PCDHGA5: variants seen among roughly 807,000 people sequenced by gnomAD.
PCDHGA5 encodes protocadherin gamma-A5.
In PCDHGA5, 36 loss-of-function variants were observed where a neutral mutation model predicts 56.7. The observed-to-expected ratio is 0.64, with a 90% confidence interval of 0.49 to 0.84. The LOEUF (loss-of-function observed/expected upper bound fraction) is 0.84. Ranked by LOEUF, PCDHGA5 falls within the 40% of genes least tolerant of loss-of-function variation. The probability of loss-of-function intolerance (pLI) is 0.00; values close to 1 mark genes in which losing one functional copy is unlikely to be tolerated. For missense variants in PCDHGA5, 1,305 were observed against 1,201.5 expected (o/e 1.09, Z -1.27); for synonymous variants, 563 against 520.2 (o/e 1.08, Z -1.12).
At position 141,487,621 on chromosome 5, in the gene PCDHGA5, A is replaced by G; in HGVS notation, c.2422-7186A>G. The G allele has an allele frequency of 6.2e-7, 1 of 1,614,164 alleles. No individual in the cohort carries two copies. On this transcript the variant is annotated intron_variant, in intron 1 of 3. Transcript: ENST00000518069. This position sits in a 1 kb window ranked among gnomAD's most constrained non-coding sequence, Gnocchi z 5.0. ...ATCTTCTCTATGGGCTAGAGGTGAG[A>G]CCTTTGCAGGCTCAACAAATGCTTG... is the stretch of plus-strand genomic sequence containing the variant.
At chr5:141,370,663 T>C (rs1319897209) in intron 1 of PCDHGA5, 1 of 1,613,900 alleles carries the variant, frequency 6.2e-7, no homozygotes, top group East Asian at 2.2e-5. Flanking sequence ...AGCGACCGTA[T>C]AGACCGAGAG....
intron 1 of PCDHGA5, among the ~76,000 whole-genome samples, chr5:141,468,000 C>G (rs1429450909): frequency 6.6e-6 from 1 of 152,028 alleles, no homozygotes; most frequent in East Asian, 1.9e-4. Flanking sequence ...ATTCTTTCTT[C>G]CTCTGTTATA....
At position 141,434,771 on chromosome 5, in the gene PCDHGA5, TA is replaced by T. The variant is rs36031641; in HGVS notation, c.2422-60023del. On this transcript the variant is annotated intron_variant, in intron 1 of 3. Transcript: ENST00000518069. ...CCCCTGATTCCCCACTTCACACTTC[TA>T]AAAAAAAAAAAATTTTTTTTTCTGA... 2.5e-3 allele frequency among the ~76,000 whole-genome samples: 362 copies of T among 145,286 alleles called. 1 individual carries two copies. The highest frequency in any genetic ancestry group is 0.011 in the Middle Eastern group (3 of 280).
In PCDHGA5 at chr5:141,366,577, C is replaced by A. The variant is rs376647678; in HGVS notation, c.2247C>A (p.Phe749Leu). 1.2e-6 allele frequency: 2 copies of A among 1,614,118 alleles called. No individual in the cohort carries two copies. Among genetic ancestry groups the A allele is most frequent in the African/African-American group, 2.7e-5 (2 of 74,938 alleles). The part of the protein sequence containing the change: ...HFVGVDGVRA[F>L]LQTYSHEVSL... ...TGGGCGTGGATGGGGTTCGGGCTTT[C>A]CTGCAGACCTATTCCCACGAGGTCT... The change falls in exon 1 of 4, where the codon TTC becomes TTA. Residue 749 changes from phenylalanine (F) to leucine (L), a missense_variant. Phe to Leu is a conservative substitution (Grantham distance 22). Transcript: ENST00000518069.
At chr5:141,452,879 A>C (rs1389712789) in intron 1 of PCDHGA5, among the ~76,000 whole-genome samples, 1 of 152,200 alleles carries the variant, frequency 6.6e-6, no homozygotes, top group Admixed American at 6.5e-5. Context: ...CATTTGTAAT[A>C]ATTTATTCCA....
At chr5:141,401,255 T>C (rs56773894) in intron 1 of PCDHGA5, among the ~76,000 whole-genome samples, 18,026 of 152,078 alleles carry the variant, frequency 0.12, 1,226 homozygotes, top group African/African-American at 0.18. Flanking sequence ...GACAGGAGAA[T>C]TGCTTGAACC....
Position 141,364,582 on chromosome 5 carries a change from G to A in PCDHGA5, c.252G>A (p.Leu84=), listed in dbSNP as rs1379738059. ...LFALNPRSGS[L]VTAGRIDREE... is the part of the protein sequence containing the mutation. ...CCCTGAACCCGCGAAGCGGCAGCTT[G>A]GTCACCGCGGGCAGGATAGACCGGG... Residue 84 remains leucine, a synonymous_variant, in exon 1 of 4, where the codon TTG becomes TTA. Coordinates refer to ENST00000518069, the MANE Select transcript of PCDHGA5 (RefSeq NM_018918.3). 6.2e-7 allele frequency: 1 copy of A among 1,614,206 alleles called. No individual in the cohort carries two copies. Among genetic ancestry groups the A allele is most frequent in the Non-Finnish European group, 8.5e-7 (1 of 1,180,008 alleles).
chr5:141,423,777 T>A, intron 1 of PCDHGA5: 1 of 1,159,844 alleles, frequency 8.6e-7, no homozygotes, highest in Non-Finnish European at 1.1e-6. Flanking sequence ...GGCATATATT[T>A]AGTTCATATA....
chr5:141,418,864 A>T, intron 1 of PCDHGA5: 1 of 1,614,046 alleles, frequency 6.2e-7, no homozygotes, highest in Non-Finnish European at 8.5e-7. Context: ...AAGTAATTGT[A>T]GAAGTTGTAG....
At chr5:141,375,442 C>A (rs746357528) in intron 1 of PCDHGA5, 1 of 1,614,034 alleles carries the variant, frequency 6.2e-7, no homozygotes, top group Non-Finnish European at 8.5e-7. Flanking sequence ...CCACCTTCCC[C>A]CATTCATCCT....
intron 1 of PCDHGA5, among the ~76,000 whole-genome samples, chr5:141,382,039 G>T (rs2150197834): frequency 6.6e-6 from 1 of 151,922 alleles, no homozygotes; most frequent in Non-Finnish European, 1.5e-5. Flanking sequence ...ATGTTGGTCA[G>T]GCTGGTCTCA....
chr5:141,497,596 G>C (rs920597006), intron 2 of PCDHGA5, among the ~76,000 whole-genome samples: 1 of 149,648 alleles, frequency 6.7e-6, no homozygotes, highest in Admixed American at 6.7e-5. Context: ...CTGGAGTGCA[G>C]TGGTGCGATC....
In PCDHGA5 at chr5:141,448,771, T is replaced by C. The variant is rs564309379; in HGVS notation, c.2422-46036T>C. Among the ~76,000 whole-genome samples the C allele has an allele frequency of 6.6e-4, 100 of 151,738 alleles. 1 individual carries two copies. The highest frequency in any genetic ancestry group is 6.8e-3 in the Middle Eastern group (2 of 294). On this transcript the variant is annotated intron_variant, in intron 1 of 3. Coordinates refer to ENST00000518069, the MANE Select transcript of PCDHGA5 (RefSeq NM_018918.3). ...CTGGCTAACACGGTGAAACCCCGTCTGTACTAAAAATACAAAAAAAAAAAT... is the reference window on the plus strand; with the variant it reads ...CTGGCTAACACGGTGAAACCCCGTCCGTACTAAAAATACAAAAAAAAAAAT...
rs1389786201 is a variant in PCDHGA5, at chr5:141,486,949, G to A, written c.2422-7858G>A. 4 of 1,614,224 alleles carry A rather than the reference G, an allele frequency of 2.5e-6. No individual in the cohort carries two copies. Among genetic ancestry groups the A allele is most frequent in the African/African-American group, 2.7e-5 (2 of 75,064 alleles). ...TTGGTGCTGGCCACCTAATCACAAA[G>A]GTGACTGCTGTGGACTTGGATTCAG... On this transcript the variant is annotated intron_variant, in intron 1 of 3. Coordinates refer to ENST00000518069, the MANE Select transcript of PCDHGA5 (RefSeq NM_018918.3). The surrounding 1 kb of genome is among the most constrained non-coding windows in gnomAD (Gnocchi z 5.0).
Position 141,431,655 on chromosome 5 carries a change from G to A in PCDHGA5, c.2422-63152G>A, listed in dbSNP as rs199998405. On this transcript the variant is annotated intron_variant, in intron 1 of 3. Transcript: ENST00000518069. This position sits in a 1 kb window ranked among gnomAD's most constrained non-coding sequence, Gnocchi z 4.8. Reference sequence around the variant, plus strand: ...GTTTTCAAACTAGATTGTAATTCAGGGACAATATCAACAATAGGGGAGTTG... The same window carrying A: ...GTTTTCAAACTAGATTGTAATTCAGAGACAATATCAACAATAGGGGAGTTG... 52 of 1,614,208 alleles carry A rather than the reference G, an allele frequency of 3.2e-5. No individual in the cohort carries two copies. The highest frequency in any genetic ancestry group is 3.3e-4 in the Middle Eastern group (2 of 6,062).
intron 1 of PCDHGA5, chr5:141,398,210 C>T (rs755562930): frequency 1.3e-6 from 2 of 1,483,862 alleles, no homozygotes; most frequent in South Asian, 1.3e-5. Flanking sequence ...TTCTGCCCGG[C>T]GCTCTGTGAG....
intron 2 of PCDHGA5, among the ~76,000 whole-genome samples, chr5:141,505,050 T>C (rs1190927211): frequency 2.0e-5 from 3 of 152,130 alleles, no homozygotes; most frequent in Non-Finnish European, 4.4e-5. Context: ...TCATCCCAGC[T>C]ACTTGGGAGA....
chr5:141,397,986 C>G, intron 1 of PCDHGA5: 2 of 1,316,082 alleles, frequency 1.5e-6, no homozygotes, highest in Non-Finnish European at 2.1e-6. Flanking sequence ...GCCTTTACAC[C>G]GCTTCCTCCT....
chr5:141,499,047 GA>G (rs2099789201), intron 2 of PCDHGA5, among the ~76,000 whole-genome samples: 1 of 151,580 alleles, frequency 6.6e-6, no homozygotes, highest in South Asian at 2.1e-4. Flanking sequence ...GAAAAAGGGA[GA>G]AAAAATGAAG....
Sources: allele counts gnomAD v4.1 joint callset (sites outside exome capture counted in the v4.1 genomes callset), GRCh38; gene constraint gnomAD v4.1.1; non-coding constraint Gnocchi (gnomAD v3.1); transcripts MANE v1.5; gene names NCBI Gene and HGNC (gene_info 2026-07-23, HGNC 2026-07-21).